The following COPRS variants were observed in gnomAD, a reference collection of about 807,000 sequenced individuals.
COPRS encodes coordinator of PRMT5 and differentiation stimulator.
Under a neutral mutation model 19.9 loss-of-function variants are expected in COPRS, and 11 were observed. The ratio of observed to expected loss-of-function variants is 0.55; its 90% CI spans 0.35 to 0.92. The LOEUF (loss-of-function observed/expected upper bound fraction) is 0.92. Ranked by LOEUF, COPRS falls within the 40% of genes least tolerant of loss-of-function variation. The pLI is 0.01. For missense variants in COPRS, 225 were observed against 229.9 expected, an observed-to-expected ratio of 0.98 and a Z score of 0.14; for synonymous variants, 81 against 82.7, an observed-to-expected ratio of 0.98 and a Z score of 0.11.
At position 31,855,847 on chromosome 17, in the gene COPRS, T is replaced by G. The variant is rs575882299; in HGVS notation, c.166+952A>C. Among the ~76,000 whole-genome samples, 26 of 150,078 alleles carry G rather than the reference T, an allele frequency of 1.7e-4. No individual in the cohort carries two copies. The Middle Eastern group carries it at 0.011, about 65-fold the overall frequency. The stretch of plus-strand genomic sequence containing the variant: ...CCCATCTCTACTAAAAATACAAAAA[T>G]TAGCTGGGCATGGTGGCATATGCCT... On this transcript the variant is annotated intron_variant, in intron 2 of 3. Transcript: ENST00000302362.
At chr17:31,853,626 C>T (rs1243855947) in intron 2 of COPRS, among the ~76,000 whole-genome samples, 9 of 152,154 alleles carry the variant, frequency 5.9e-5, no homozygotes, top group Non-Finnish European at 7.4e-5. Context: ...GTGATCCACC[C>T]GCCTCGGCCT....
At chr17:31,858,642 AAGG>A (rs147975127) in intron 1 of COPRS, 53,905 of 1,182,390 alleles carry the variant, frequency 0.046, 2,999 homozygotes, top group African/African-American at 0.26. Flanking sequence ...TGGTTTCAGT[AAGG>A]AGAAGGGGGA....
chr17:31,856,099 C>T (rs1358962771), intron 2 of COPRS, among the ~76,000 whole-genome samples: 2 of 151,666 alleles, frequency 1.3e-5, no homozygotes, highest in Non-Finnish European at 2.9e-5. Flanking sequence ...CTTTGGGAGG[C>T]CTAGGTGGGC....
Position 31,851,872 on chromosome 17 carries a change from TTC to T in COPRS, c.*265_*266del, listed in dbSNP as rs534565752. On this transcript the variant is annotated 3_prime_UTR_variant, in exon 4 of 4. Transcript: ENST00000302362. ...AAAAAAGCAGACGAAGCATACTGGT[TTC>T]TCTTTTTAACCTTTATTTACAAAGA... 1.6e-5 allele frequency: 6 copies of T among 370,542 alleles called. No individual in the cohort carries two copies. The highest frequency in any genetic ancestry group is 3.0e-5 in the Non-Finnish European group (6 of 202,836). The allele number at this position is 370,542 out of a possible 1,614,324, so 23.0% of individuals were successfully genotyped here.
intron 1 of COPRS, 152 bp downstream of exon 1, chr17:31,858,949 G>A (rs1315904807): frequency 1.3e-5 from 18 of 1,425,006 alleles, no homozygotes; most frequent in South Asian, 1.5e-5. Flanking sequence ...TTCAGCTCGA[G>A]CGCGAGCCCA....
At chr17:31,854,355 CAAAAAAAAAAAAA>C (rs34371712) in intron 2 of COPRS, among the ~76,000 whole-genome samples, 11 of 46,438 alleles carry the variant, frequency 2.4e-4, no homozygotes, top group South Asian at 1.3e-3. Context: ...ACCCTGTCTC[CAAAAAAAAAAAAA>C]AAAAAAAAAA....
chr17:31,858,306 T>G, intron 1 of COPRS: 1 of 925,956 alleles, frequency 1.1e-6, no homozygotes, highest in Non-Finnish European at 1.3e-6. Context: ...ACAAAATTAG[T>G]CCCATTCTAT....
intron 1 of COPRS, 138 bp downstream of exon 1, chr17:31,858,963 A>T: frequency 7.2e-7 from 1 of 1,384,794 alleles, no homozygotes; most frequent in Non-Finnish European, 9.3e-7. Flanking sequence ...GAGCCCAAAC[A>T]GCGCTCCGTG....
intron 2 of COPRS, among the ~76,000 whole-genome samples, chr17:31,853,721 G>A (rs997154313): frequency 2.0e-5 from 3 of 152,166 alleles, no homozygotes; most frequent in African/African-American, 4.8e-5. Context: ...CAAAGAGCAT[G>A]TTAGAGGTGA....
At position 31,852,244 on chromosome 17, in the gene COPRS, T is replaced by C. The variant is rs1909187998; in HGVS notation, c.450A>G (p.Gln150=). Residue 150 remains glutamine (Q), a synonymous_variant, in exon 4 of 4, where the codon CAA becomes CAG. Transcript: ENST00000302362. ...ELKPWVCCAP[Q]GDMIYDPSWH... is the part of the protein sequence containing the mutation. Reference sequence around the variant, plus strand: ...AGCTGGGGTCATAGATCATGTCTCCTTGTGGGGCACAGCACACCCAAGGTT... The same window carrying C: ...AGCTGGGGTCATAGATCATGTCTCCCTGTGGGGCACAGCACACCCAAGGTT... The C allele has an allele frequency of 5.0e-6, 8 of 1,614,058 alleles. No homozygotes were observed. Among genetic ancestry groups the C allele is most frequent in the Non-Finnish European group, 6.8e-6 (8 of 1,179,966 alleles).
intron 2 of COPRS, among the ~76,000 whole-genome samples, chr17:31,854,873 A>C (rs1909284462): frequency 6.6e-6 from 1 of 152,228 alleles, no homozygotes; most frequent in African/African-American, 2.4e-5. Flanking sequence ...TTTTAGGGTG[A>C]TGAAAAGATT....
chr17:31,858,872 C>G, intron 1 of COPRS: 2 of 1,541,694 alleles, frequency 1.3e-6, no homozygotes, highest in South Asian at 1.2e-5. Flanking sequence ...TCTGCTGACC[C>G]AGAGCGCCCA....
chr17:31,858,527 G>T, intron 1 of COPRS: 1 of 483,076 alleles, frequency 2.1e-6, no homozygotes, highest in Non-Finnish European at 2.7e-6. Context: ...AACAAGGACA[G>T]GTAAGAACTG....
intron 1 of COPRS, among the ~76,000 whole-genome samples, chr17:31,857,279 C>T (rs1567770479): frequency 6.6e-6 from 1 of 152,220 alleles, no homozygotes. Context: ...GGAATTTCAG[C>T]TCTGCAGAGC....
chr17:31,855,245 C>T (rs1237452181), intron 2 of COPRS, among the ~76,000 whole-genome samples: 1 of 152,118 alleles, frequency 6.6e-6, no homozygotes, highest in Non-Finnish European at 1.5e-5. Flanking sequence ...GGAGCAGTGG[C>T]TCACGCCTGT....
chr17:31,854,141 G>A (rs972887684), intron 2 of COPRS, among the ~76,000 whole-genome samples: 2 of 151,996 alleles, frequency 1.3e-5, no homozygotes, highest in Non-Finnish European at 2.9e-5. Context: ...GGCCAAGGTG[G>A]GTGGACTGCT....
chr17:31,852,844 G>A lies in COPRS; in HGVS notation c.353C>T (p.Ser118Leu), dbSNP rs755402960. The change falls in exon 3 of 4, where the codon TCG (serine) becomes TTG (leucine). Residue 118 changes from serine (S) to leucine (L), a missense_variant. Coordinates refer to ENST00000302362, the MANE Select transcript of COPRS (RefSeq NM_018405.4). ...ATTCCCTTGATCTGCTTTCAACTCCGAGTCCCAGTCCTCATTAAAAAGATC... is the reference window on the plus strand; with the variant it reads ...ATTCCCTTGATCTGCTTTCAACTCCAAGTCCCAGTCCTCATTAAAAAGATC... ...PGDLFNEDWD[S>L]ELKADQGNPY... 1.2e-5 allele frequency: 19 copies of A among 1,613,896 alleles called. No individual in the cohort carries two copies. Among genetic ancestry groups the A allele is most frequent in the Non-Finnish European group, 1.6e-5 (19 of 1,179,926 alleles).
intron 2 of COPRS, among the ~76,000 whole-genome samples, chr17:31,853,776 G>A (rs1909238466): frequency 6.6e-6 from 1 of 152,170 alleles, no homozygotes; most frequent in Admixed American, 6.6e-5. Context: ...CAGAAGACCA[G>A]AACCCATCTA....
chr17:31,854,659 C>T (rs908069884), intron 2 of COPRS, among the ~76,000 whole-genome samples: 8 of 152,176 alleles, frequency 5.3e-5, no homozygotes, highest in African/African-American at 1.7e-4. Flanking sequence ...ATACATGCTA[C>T]GGCATGGATG....
Sources: gnomAD v4.1 joint callset for allele counts (sites outside exome capture counted in the v4.1 genomes callset) on GRCh38, gnomAD v4.1.1 for gene constraint, MANE v1.5 for transcripts, NCBI Gene and HGNC (gene_info 2026-07-23, HGNC 2026-07-21) for gene names.